GLRX3: variants seen among roughly 807,000 people sequenced by gnomAD.
GLRX3 encodes glutaredoxin-3.
GLRX3 carries 22 observed loss-of-function variants against 49.5 expected under a neutral mutation model. The ratio of observed to expected loss-of-function variants is 0.44; its 90% CI spans 0.32 to 0.63. The LOEUF is 0.63. Among genes scored for constraint, GLRX3 ranks in the 30% least tolerant of loss-of-function variants. The pLI is 0.05. For missense variants in GLRX3, 385 were observed against 396.3 expected (o/e 0.97, Z 0.24); for synonymous variants, 133 against 140.0 (o/e 0.95, Z 0.35).
intron 4 of GLRX3, among the ~76,000 whole-genome samples, chr10:130,165,946 A>G (rs1383012978): frequency 2.0e-5 from 3 of 152,228 alleles, no homozygotes; most frequent in African/African-American, 7.2e-5. Context: ...TGGCCTCATC[A>G]TGTGTCACCT....
intron 4 of GLRX3, among the ~76,000 whole-genome samples, chr10:130,163,048 T>C (rs1258701345): frequency 6.6e-6 from 1 of 152,206 alleles, no homozygotes; most frequent in East Asian, 1.9e-4. Flanking sequence ...TTTATATTTA[T>C]ATTAAACTTA....
chr10:130,157,941 T>G (rs946749953), intron 2 of GLRX3, among the ~76,000 whole-genome samples: 1 of 152,220 alleles, frequency 6.6e-6, no homozygotes, highest in Non-Finnish European at 1.5e-5. Flanking sequence ...TTCTAACGAA[T>G]TTTAGTGCTG....
At chr10:130,151,490 T>A (rs1054678993) in intron 2 of GLRX3, among the ~76,000 whole-genome samples, 1 of 152,146 alleles carries the variant, frequency 6.6e-6, no homozygotes, top group South Asian at 2.1e-4. Context: ...TCATTTACAT[T>A]AGGTATTTCT....
intron 1 of GLRX3, among the ~76,000 whole-genome samples, chr10:130,138,193 A>C (rs7083954): frequency 0.019 from 2,909 of 152,072 alleles, 104 homozygotes; most frequent in African/African-American, 0.067. Flanking sequence ...AGTATCTGGG[A>C]CTACACGTGC....
intron 2 of GLRX3, among the ~76,000 whole-genome samples, chr10:130,152,950 G>T (rs1862407221): frequency 6.6e-6 from 1 of 152,116 alleles, no homozygotes; most frequent in Non-Finnish European, 1.5e-5. Context: ...ATCAAACGTA[G>T]ATTTGGTCTT....
At position 130,170,271 on chromosome 10, in the gene GLRX3, G is replaced by C. The variant is rs1862778871; in HGVS notation, c.771+781G>C. ...AACCAAAGTTTTGAAAGGTGAGGCT[G>C]TTGGAATAAAGAAACTGCCTCACTT... is the stretch of plus-strand genomic sequence containing the variant. On this transcript the variant is annotated intron_variant, in intron 7 of 10. Coordinates refer to ENST00000331244, the MANE Select transcript of GLRX3 (RefSeq NM_006541.5). Among the ~76,000 whole-genome samples, 3 of 152,302 alleles carry C rather than the reference G, an allele frequency of 2.0e-5. No homozygotes were observed. The South Asian group carries it at 6.2e-4, about 32-fold the overall frequency.
chr10:130,148,669 GTAGT>G (rs963110935), intron 2 of GLRX3, among the ~76,000 whole-genome samples: 21 of 152,110 alleles, frequency 1.4e-4, no homozygotes, highest in Admixed American at 1.3e-3. Context: ...TTTGGTCAGA[GTAGT>G]TAGTTTGTGC....
intron 2 of GLRX3, among the ~76,000 whole-genome samples, chr10:130,158,696 A>G (rs1258377800): frequency 2.6e-5 from 4 of 152,178 alleles, no homozygotes; most frequent in African/African-American, 9.7e-5. Context: ...GCTGTTGTGT[A>G]TGTGAAAGAA....
Position 130,160,934 on chromosome 10 carries a change from A to G in GLRX3, c.415A>G (p.Lys139Glu). ...AGAAGATCTCAACCTTCGCTTGAAG[A>G]AATTGACTCATGCTGCCCCCTGCAT... ...LKEDLNLRLK[K>E]LTHAAPCMLF... The change falls in exon 4 of 11, where the codon AAA (lysine) becomes GAA (glutamate). Residue 139 changes from lysine (K) to glutamate (E), a missense_variant. This residue lies in a region of GLRX3 where 374 missense variants were observed against 358.6 expected (regional missense o/e 1.04). Transcript: ENST00000331244. The G allele has an allele frequency of 1.9e-6, 3 of 1,613,980 alleles. No individual in the cohort carries two copies. The South Asian group carries it at 3.3e-5, about 18-fold the overall frequency.
At chr10:130,145,484 G>A (rs1862254826) in intron 2 of GLRX3, among the ~76,000 whole-genome samples, 165 bp downstream of exon 2, 3 of 152,064 alleles carry the variant, frequency 2.0e-5, no homozygotes, top group Non-Finnish European at 4.4e-5. Context: ...CCAACATAGT[G>A]AAACCCTGTC....
chr10:130,155,549 A>G (rs1266599259), intron 2 of GLRX3, among the ~76,000 whole-genome samples: 2 of 152,198 alleles, frequency 1.3e-5, no homozygotes, highest in Non-Finnish European at 2.9e-5. Flanking sequence ...AAATGGATTA[A>G]TCAAGGTTGT....
At chr10:130,138,388 C>T (rs545006143) in intron 1 of GLRX3, among the ~76,000 whole-genome samples, 53 of 152,126 alleles carry the variant, frequency 3.5e-4, no homozygotes, top group African/African-American at 1.1e-3. Flanking sequence ...GAAATTTTGC[C>T]GACTGAATTT....
chr10:130,136,821 T>C (rs1281082557), intron 1 of GLRX3, among the ~76,000 whole-genome samples: 1 of 151,912 alleles, frequency 6.6e-6, no homozygotes, highest in Non-Finnish European at 1.5e-5. Context: ...GCCTCTGGCC[T>C]GGGCGGCCCC....
intron 1 of GLRX3, among the ~76,000 whole-genome samples, chr10:130,138,821 CT>C (rs1862116047): frequency 6.9e-6 from 1 of 145,912 alleles, no homozygotes. Context: ...TTAAAAAGTC[CT>C]TAAACTATCA....
chr10:130,179,138 A>T (rs1218720615), intron 10 of GLRX3, among the ~76,000 whole-genome samples: 1 of 152,180 alleles, frequency 6.6e-6, no homozygotes, highest in Non-Finnish European at 1.5e-5. Context: ...ACACCTGGCC[A>T]AGAATACCTT....
At chr10:130,176,017 A>G (rs1590075399) in intron 10 of GLRX3, among the ~76,000 whole-genome samples, 1 of 152,192 alleles carries the variant, frequency 6.6e-6, no homozygotes, top group African/African-American at 2.4e-5. Context: ...TCTTGCCTCA[A>G]TCCATGAGAG....
At chr10:130,174,253 T>C (rs1862871183) in intron 8 of GLRX3, among the ~76,000 whole-genome samples, 1 of 152,268 alleles carries the variant, frequency 6.6e-6, no homozygotes, top group Non-Finnish European at 1.5e-5. Context: ...GTGGTTGTTA[T>C]CCGGCTGCTG....
rs560298373 is a variant in GLRX3, at chr10:130,147,770, C to T, written c.201+2451C>T. Among the ~76,000 whole-genome samples, 31 of 152,292 alleles carry T rather than the reference C, an allele frequency of 2.0e-4. 1 individual carries two copies. In the South Asian group the frequency reaches 6.2e-3, roughly 31 times the overall value. On this transcript the variant is annotated intron_variant, in intron 2 of 10. Transcript: ENST00000331244. The stretch of plus-strand genomic sequence containing the variant: ...TAAGAGAGGCGTGCAGGCTGGGCGC[C>T]TCGGCTCACACCTGTAATCCCAACA...
intron 1 of GLRX3, among the ~76,000 whole-genome samples, chr10:130,142,805 G>A (rs1173931569): frequency 8.1e-6 from 1 of 123,202 alleles, no homozygotes; most frequent in Non-Finnish European, 1.8e-5. Flanking sequence ...TACCGCCTAG[G>A]ACCCCTTAAT....
Sources: gnomAD v4.1 joint callset for allele counts (sites outside exome capture counted in the v4.1 genomes callset) on GRCh38, gnomAD v4.1.1 for gene constraint, gnomAD v4.1.1 regional missense constraint, MANE v1.5 for transcripts, NCBI Gene and HGNC (gene_info 2026-07-23, HGNC 2026-07-21) for gene names.